CNDP1: variants seen among roughly 807,000 people sequenced by gnomAD.
The protein encoded by CNDP1 is beta-Ala-His dipeptidase.
CNDP1 carries 44 observed loss-of-function variants against 58.1 expected under a neutral mutation model. The observed-to-expected ratio is 0.76, with a 90% CI of 0.60 to 0.97. CNDP1 has a LOEUF of 0.97. Ranked by LOEUF, CNDP1 falls within the 50% of genes least tolerant of loss-of-function variation. CNDP1 has a pLI of 0.00. For missense variants in CNDP1, 616 were observed against 655.1 expected, an observed-to-expected ratio of 0.94 and a Z score of 0.65; for synonymous variants, 254 against 252.6, an observed-to-expected ratio of 1.01 and a Z score of -0.05.
intron 1 of CNDP1, among the ~76,000 whole-genome samples, chr18:74,550,735 C>G (rs1000934576): frequency 1.5e-5 from 2 of 132,846 alleles, no homozygotes; most frequent in African/African-American, 5.8e-5. Flanking sequence ...TGCCACCACG[C>G]CCGACTATTT....
intron 1 of CNDP1, among the ~76,000 whole-genome samples, chr18:74,544,042 C>T (rs1224713928): frequency 1.3e-5 from 2 of 152,036 alleles, no homozygotes; most frequent in African/African-American, 2.4e-5. Flanking sequence ...GCTATGATCA[C>T]CCCACTGCAC....
chr18:74,572,507 G>T (rs1293537094), intron 7 of CNDP1, among the ~76,000 whole-genome samples: 1 of 151,982 alleles, frequency 6.6e-6, no homozygotes, highest in South Asian at 2.1e-4. Flanking sequence ...TCACAACATG[G>T]CCAGGCATGG....
At chr18:74,551,961 T>C in intron 1 of CNDP1, among the ~76,000 whole-genome samples, 1 of 151,694 alleles carries the variant, frequency 6.6e-6, no homozygotes, top group East Asian at 1.9e-4. Flanking sequence ...CCAAGAGCCT[T>C]TATTGAAGCC....
chr18:74,584,075 G>C, intron 11 of CNDP1: 1 of 299,766 alleles, frequency 3.3e-6, no homozygotes, highest in South Asian at 4.7e-5. Flanking sequence ...GACACACTGG[G>C]GGGTTAGGGG....
At chr18:74,552,352 T>C (rs1372720107) in intron 1 of CNDP1, among the ~76,000 whole-genome samples, 5 of 152,248 alleles carry the variant, frequency 3.3e-5, no homozygotes, top group Admixed American at 6.5e-5. Flanking sequence ...TTTTAGTTTA[T>C]TCAGAATTGT....
intron 1 of CNDP1, among the ~76,000 whole-genome samples, chr18:74,541,203 C>T (rs1980615408): frequency 6.6e-6 from 1 of 152,230 alleles, no homozygotes; most frequent in Admixed American, 6.5e-5. Flanking sequence ...GTCATGGGCT[C>T]TGCTGACGCA....
At chr18:74,581,091 C>T (rs906602306) in intron 10 of CNDP1, among the ~76,000 whole-genome samples, 10 of 152,196 alleles carry the variant, frequency 6.6e-5, no homozygotes, top group Non-Finnish European at 7.3e-5. Flanking sequence ...GGCTGGCCGG[C>T]AGGGATCTGC....
At chr18:74,581,333 C>A (rs1375459211) in intron 10 of CNDP1, among the ~76,000 whole-genome samples, 2 of 150,848 alleles carry the variant, frequency 1.3e-5, no homozygotes, top group Admixed American at 1.3e-4. Context: ...AACCATGGAC[C>A]CTTGCTCCTG....
chr18:74,571,941 C>T (rs961058667), intron 7 of CNDP1, among the ~76,000 whole-genome samples: 5 of 152,050 alleles, frequency 3.3e-5, no homozygotes, highest in Non-Finnish European at 7.4e-5. Flanking sequence ...TAAAGGGGCA[C>T]AATCGTCTGT....
chr18:74,558,028 T>C (rs1267955271), intron 2 of CNDP1, among the ~76,000 whole-genome samples: 1 of 152,212 alleles, frequency 6.6e-6, no homozygotes, highest in East Asian at 1.9e-4. Flanking sequence ...ACTGAACTTA[T>C]GGAGAAGCCA....
chr18:74,543,534 TAAAATAA>T (rs927694613), intron 1 of CNDP1, among the ~76,000 whole-genome samples: 40 of 150,446 alleles, frequency 2.7e-4, no homozygotes, highest in African/African-American at 8.4e-4. Flanking sequence ...TAAAATAAAA[TAAAATAA>T]AAACAGATGG....
At chr18:74,576,354 A>C (rs1320897604) in intron 7 of CNDP1, 2 of 152,140 alleles carry the variant, frequency 1.3e-5, no homozygotes, top group East Asian at 3.9e-4. Context: ...TTGTAGAGAC[A>C]GGGTCTCGCC....
At chr18:74,571,401 C>A in intron 7 of CNDP1, 131 bp downstream of exon 7, 1 of 629,774 alleles carries the variant, frequency 1.6e-6, no homozygotes, top group Non-Finnish European at 2.9e-6. Flanking sequence ...AGATTTTCCT[C>A]CCCTTGGCAA....
At chr18:74,578,420 A>G (rs1232548406) in intron 9 of CNDP1, 93 bp downstream of exon 9, 3 of 1,265,860 alleles carry the variant, frequency 2.4e-6, no homozygotes, top group Non-Finnish European at 3.3e-6. Flanking sequence ...GGTTGCTACC[A>G]TTGGAGTATC....
intron 5 of CNDP1, among the ~76,000 whole-genome samples, chr18:74,566,793 G>A (rs1015639220): frequency 1.4e-4 from 21 of 152,138 alleles, no homozygotes; most frequent in Non-Finnish European, 2.4e-4. Context: ...TTCCAAAGTT[G>A]CTTCCAAATT....
At position 74,586,339 on chromosome 18, in the gene CNDP1, G is replaced by C. The variant is rs754295221; in HGVS notation, c.*1777G>C. Reference sequence around the variant, plus strand: ...TATTTTGTGCTATTAAGTGTAGTTTGCGCTCATCTAATTATGCAGAGTTTC... The same window carrying C: ...TATTTTGTGCTATTAAGTGTAGTTTCCGCTCATCTAATTATGCAGAGTTTC... On this transcript the variant is annotated 3_prime_UTR_variant, in exon 12 of 12. Transcript: ENST00000358821. 3 of 152,212 alleles carry C rather than the reference G, an allele frequency of 2.0e-5. No individual in the cohort carries two copies. The highest frequency in any genetic ancestry group is 2.9e-5 in the Non-Finnish European group (2 of 68,052). The allele number at this position is 152,212 out of a possible 1,614,324, so 9.4% of individuals were successfully genotyped here.
At chr18:74,565,308 C>T (rs1316808767) in intron 5 of CNDP1, among the ~76,000 whole-genome samples, 3 of 152,158 alleles carry the variant, frequency 2.0e-5, no homozygotes, top group African/African-American at 7.2e-5. Context: ...AATCTCATGT[C>T]CTCACATTTC....
At chr18:74,536,735 A>G (rs1254011494) in intron 1 of CNDP1, among the ~76,000 whole-genome samples, 1 of 152,194 alleles carries the variant, frequency 6.6e-6, no homozygotes, top group Non-Finnish European at 1.5e-5. Flanking sequence ...TTCCACAATA[A>G]TTGAACTAAT....
chr18:74,583,815 G>A (rs143594414), intron 11 of CNDP1, 107 bp downstream of exon 11: 98 of 1,119,590 alleles, frequency 8.8e-5, no homozygotes, highest in Middle Eastern at 5.8e-4. Context: ...ATGGAAAATC[G>A]TCCAGACTGG....
Sources: allele counts gnomAD v4.1 joint callset (sites outside exome capture counted in the v4.1 genomes callset), GRCh38; gene constraint gnomAD v4.1.1; transcripts MANE v1.5; gene names NCBI Gene and HGNC (gene_info 2026-07-23, HGNC 2026-07-21).